NAA35: variants seen among roughly 807,000 people sequenced by gnomAD.
NAA35 encodes MAK10 homolog, amino-acid N-acetyltransferase subunit.
Under a neutral mutation model 101.7 loss-of-function variants are expected in NAA35, and 18 were observed. That is an observed-to-expected ratio of 0.18 (90% CI 0.12 to 0.26). The LOEUF (loss-of-function observed/expected upper bound fraction) is 0.26. Ranked by LOEUF, NAA35 falls within the 10% of genes least tolerant of loss-of-function variation. The probability of loss-of-function intolerance (pLI) is 1.00; values close to 1 mark genes in which losing one functional copy is unlikely to be tolerated. For missense variants in NAA35, 601 were observed against 886.8 expected, an observed-to-expected ratio of 0.68 and a Z score of 4.09; for synonymous variants, 267 against 273.1, an observed-to-expected ratio of 0.98 and a Z score of 0.22.
At chr9:86,004,479 A>G (rs1221944007) in intron 13 of NAA35, among the ~76,000 whole-genome samples, 1 of 150,238 alleles carries the variant, frequency 6.7e-6, no homozygotes, top group Admixed American at 6.6e-5. Context: ...GACCCTGTCA[A>G]AAAAAAAAAG....
At position 85,966,799 on chromosome 9, in the gene NAA35, A is replaced by G. The variant is rs1020418214; in HGVS notation, c.516+4619A>G. On this transcript the variant is annotated intron_variant, in intron 6 of 22. Transcript: ENST00000361671. ...CATTTAAACTAGTTATTTCACCTCT[A>G]TAACTCAGCCTTAAAGAAATAATTA... 4.0e-5 allele frequency: 13 copies of G among 328,600 alleles called. No homozygotes were observed. The South Asian group carries it at 4.0e-4, about 10-fold the overall frequency. The allele number at this position is 328,600 out of a possible 1,614,324, so 20.4% of individuals were successfully genotyped here. A position where few individuals can be genotyped will look rare whatever the true frequency, so the allele number is the denominator to read the frequency against.
In NAA35 at chr9:86,005,073, A is replaced by G. The variant is rs917487659; in HGVS notation, c.1116+1429A>G. Among the ~76,000 whole-genome samples, 4 of 152,332 alleles carry G rather than the reference A, an allele frequency of 2.6e-5. 1 individual carries two copies. The Middle Eastern group carries it at 0.01, about 389-fold the overall frequency. ...TTTTCCTCACAAACACAGATGTAAAAATCTTATTCCATGAACACAGATGTA... is the reference window on the plus strand; with the variant it reads ...TTTTCCTCACAAACACAGATGTAAAGATCTTATTCCATGAACACAGATGTA... On this transcript the variant is annotated intron_variant, in intron 13 of 22. Coordinates refer to ENST00000361671, the MANE Select transcript of NAA35 (RefSeq NM_024635.4).
chr9:86,018,858 G>A (rs772696724), intron 21 of NAA35, 37 bp downstream of exon 21: 18 of 1,604,334 alleles, frequency 1.1e-5, no homozygotes, highest in African/African-American at 9.4e-5. Context: ...GGGGAAAAGC[G>A]TGGCAGGAAA....
In NAA35 at chr9:85,975,203, A is replaced by G. The variant is rs762847952; in HGVS notation, c.627+46A>G. ...GTGTGGGGTTTTGGTACACTTCTAA[A>G]TGTCAGTTTAACTTTACCTAATTAA... On this transcript the variant is annotated intron_variant, in intron 8 of 22. Transcript: ENST00000361671. 3 of 1,577,126 alleles carry G rather than the reference A, an allele frequency of 1.9e-6. No individual in the cohort carries two copies. The Admixed American group carries it at 5.4e-5, about 28-fold the overall frequency.
chr9:85,974,953 T>C lies in NAA35; in HGVS notation c.517-14T>C, dbSNP rs10125716. On this transcript the variant is annotated splice_polypyrimidine_tract_variant and intron_variant, in intron 6 of 22. Transcript: ENST00000361671. ...TTTGCTATTCATGAGCCTGATTATT[T>C]CCTTTTTGTATAGGAAGATTTTCAG... 1 of 1,601,876 alleles carries C rather than the reference T, an allele frequency of 6.2e-7. No homozygotes were observed. The highest frequency in any genetic ancestry group is 8.5e-7 in the Non-Finnish European group (1 of 1,171,768).
At chr9:85,950,774 T>C (rs1225824899) in intron 2 of NAA35, among the ~76,000 whole-genome samples, 2 of 152,206 alleles carry the variant, frequency 1.3e-5, no homozygotes, top group Non-Finnish European at 2.9e-5. Context: ...TTATAGTCTA[T>C]GTATGTATTA....
At position 86,016,586 on chromosome 9, in the gene NAA35, G is replaced by A; in HGVS notation, c.1616G>A (p.Arg539His). Residue 539 changes from arginine (R) to histidine (H), a missense_variant, in exon 18 of 23, where the codon CGT becomes CAT. Around this residue, in one of 8 missense-constraint regions of NAA35, gnomAD observed 99 missense variants for 206.7 expected, o/e 0.48. Transcript: ENST00000361671. ...LYAWLMSTLS[R>H]ADGSQMAEER... ...GCATGGTTGATGTCAACATTGAGTC[G>A]TGCCGATGGCTCTCAAATGGCAGAG... 4.3e-6 allele frequency: 7 copies of A among 1,613,798 alleles called. No homozygotes were observed. The highest frequency in any genetic ancestry group is 5.1e-6 in the Non-Finnish European group (6 of 1,179,910).
chr9:86,016,982 A>G (rs1832258060), intron 18 of NAA35, among the ~76,000 whole-genome samples: 1 of 152,246 alleles, frequency 6.6e-6, no homozygotes, highest in Non-Finnish European at 1.5e-5. Flanking sequence ...TGACAGAGCC[A>G]GATAGCTCAG....
At chr9:86,011,423 A>G (rs1401751942) in intron 15 of NAA35, among the ~76,000 whole-genome samples, 1 of 150,486 alleles carries the variant, frequency 6.6e-6, no homozygotes, top group Non-Finnish European at 1.5e-5. Context: ...GAGTGCAGTG[A>G]TCTTGGCTCA....
chr9:85,961,366 A>C (rs941476885), intron 5 of NAA35, among the ~76,000 whole-genome samples: 1 of 152,210 alleles, frequency 6.6e-6, no homozygotes, highest in Non-Finnish European at 1.5e-5. Context: ...ACCTTTCTCA[A>C]AGTGCTAGGA....
intron 2 of NAA35, among the ~76,000 whole-genome samples, chr9:85,952,701 A>G (rs939321027): frequency 5.3e-5 from 8 of 151,996 alleles, no homozygotes; most frequent in Non-Finnish European, 8.8e-5. Context: ...GTTGAAACTG[A>G]ATAAGATTAA....
chr9:85,970,788 GA>G (rs1829967590), intron 6 of NAA35, among the ~76,000 whole-genome samples: 1 of 152,176 alleles, frequency 6.6e-6, no homozygotes, highest in South Asian at 2.1e-4. Flanking sequence ...TTAGAGACAT[GA>G]ATTTCTGTAT....
At chr9:85,991,429 T>C (rs1830907746) in intron 11 of NAA35, among the ~76,000 whole-genome samples, 3 of 152,044 alleles carry the variant, frequency 2.0e-5, no homozygotes, top group African/African-American at 7.3e-5. Context: ...GTGGAAGGTT[T>C]CCCAGGTATG....
chr9:85,977,271 A>G (rs1196830691), intron 9 of NAA35, 92 bp from the exon 10 acceptor site: 1 of 889,432 alleles, frequency 1.1e-6, no homozygotes, highest in African/African-American at 1.7e-5. Context: ...GTAAGTTATT[A>G]ACATTGAGAT....
In NAA35 at chr9:86,018,350, C is replaced by T. The variant is rs762833050; in HGVS notation, c.1869C>T (p.Phe623=). ...QVRYEHRFAP[F]NSVMTPPPVH... is the part of the protein sequence containing the mutation. ...GGTATGAACACAGGTTTGCTCCATT[C>T]AACAGTGTGATGACCCCGCCGCCAG... is the stretch of plus-strand genomic sequence containing the variant. Residue 623 remains phenylalanine, a synonymous_variant, in exon 20 of 23, where the codon TTC becomes TTT. Coordinates refer to ENST00000361671, the MANE Select transcript of NAA35 (RefSeq NM_024635.4). The T allele has an allele frequency of 6.2e-7, 1 of 1,613,964 alleles. No homozygotes were observed. Among genetic ancestry groups the T allele is most frequent in the Non-Finnish European group, 8.5e-7 (1 of 1,179,872 alleles).
chr9:85,960,311 T>G (rs936943330), intron 5 of NAA35, among the ~76,000 whole-genome samples: 6 of 152,196 alleles, frequency 3.9e-5, no homozygotes, highest in African/African-American at 1.4e-4. Flanking sequence ...TATGCTGAAT[T>G]ATGTCTTCCC....
chr9:85,941,202 C>G lies in NAA35; in HGVS notation c.-77C>G, dbSNP rs1219883910. ...GGGCTGAGAGGGGAGGGGGCGGCGG[C>G]GGCCGAGGCGGCGTCGTTATTTCCG... On this transcript the variant is annotated 5_prime_UTR_variant, in exon 1 of 23. Transcript: ENST00000361671. The G allele has an allele frequency of 1.0e-6, 1 of 986,600 alleles. No homozygotes were observed. The highest frequency in any genetic ancestry group is 1.2e-6 in the Non-Finnish European group (1 of 830,826). 61.1% of individuals were successfully genotyped at this position (986,600 alleles called of 1,614,324 possible).
intron 1 of NAA35, chr9:85,941,614 C>G (rs1162317308): frequency 2.0e-6 from 2 of 986,146 alleles, no homozygotes; most frequent in African/African-American, 1.7e-5. Context: ...AGGTGTGCCT[C>G]GGCCCTAGGC....
chr9:85,986,737 A>G (rs1830665840), intron 11 of NAA35: 2 of 275,148 alleles, frequency 7.3e-6, no homozygotes, highest in South Asian at 6.3e-5. Context: ...GGTGCCTGTC[A>G]CCATGCCCGG....
Sources: allele counts gnomAD v4.1 joint callset (sites outside exome capture counted in the v4.1 genomes callset), GRCh38; gene constraint gnomAD v4.1.1; regional missense constraint gnomAD v4.1.1; transcripts MANE v1.5; gene names NCBI Gene and HGNC (gene_info 2026-07-23, HGNC 2026-07-21).